SLIT1: variants seen among roughly 807,000 people sequenced by gnomAD.
SLIT1 encodes slit guidance ligand 1.
Under a neutral mutation model 186.1 loss-of-function variants are expected in SLIT1, and 66 were observed. That is an observed-to-expected ratio of 0.35 (90% CI 0.29 to 0.44). The LOEUF (loss-of-function observed/expected upper bound fraction) is 0.44, where lower values mean the gene tolerates loss of function less well. Ranked by LOEUF, SLIT1 falls within the 20% of genes least tolerant of loss-of-function variation. The pLI, the probability that SLIT1 is intolerant of heterozygous loss-of-function variation, is 1.00. For synonymous variants in SLIT1, 761 were observed against 833.8 expected (o/e 0.91, Z 1.50); for missense variants, 1,638 against 2,037.4 (o/e 0.80, Z 3.77).
At chr10:97,030,672 G>T in intron 25 of SLIT1, 85 bp downstream of exon 25, 1 of 1,129,578 alleles carries the variant, frequency 8.9e-7, no homozygotes. Flanking sequence ...AACAAACTCT[G>T]ACAATCTCAG....
intron 31 of SLIT1, among the ~76,000 whole-genome samples, chr10:97,009,592 C>T (rs777322038): frequency 4.6e-5 from 7 of 152,066 alleles, no homozygotes; most frequent in Non-Finnish European, 7.4e-5. Context: ...TCTTAGGATA[C>T]CCACAGCACA....
rs144794751 is a variant in SLIT1 at position 97,060,784 on chromosome 10, T to G, written c.797A>C (p.Gln266Pro). The G allele has an allele frequency of 3.8e-5, 61 of 1,595,832 alleles. No homozygotes were observed. The highest frequency in any genetic ancestry group is 2.3e-5 in the South Asian group (2 of 87,646). Reference protein sequence around the residue: ...VQKSEFSCSGQGEAGRVPTCT... With the variant: ...VQKSEFSCSGPGEAGRVPTCT... Reference sequence around the variant, plus strand: ...GGTGGGCACGCGCCCCGCTTCTCCCTGGCCTGCAGAAACAGGGGGGTGTGG... The same window carrying G: ...GGTGGGCACGCGCCCCGCTTCTCCCGGGCCTGCAGAAACAGGGGGGTGTGG... Residue 266 changes from glutamine to proline, a missense_variant, in exon 9 of 37, where the codon CAG becomes CCG. This residue lies in a region of SLIT1 where 1,245 missense variants were observed against 1,535.3 expected (regional missense o/e 0.81). Transcript: ENST00000266058.
chr10:97,117,141 T>C (rs1564680003), intron 4 of SLIT1, among the ~76,000 whole-genome samples: 1 of 152,172 alleles, frequency 6.6e-6, no homozygotes, highest in Non-Finnish European at 1.5e-5. Context: ...TTTTTCTCTG[T>C]GTTTCTACGA....
At chr10:97,127,428 C>G (rs1223665213) in intron 4 of SLIT1, among the ~76,000 whole-genome samples, 1 of 152,190 alleles carries the variant, frequency 6.6e-6, no homozygotes, top group Non-Finnish European at 1.5e-5. Flanking sequence ...TAAGTTAGGA[C>G]AATGTCTATG....
chr10:97,070,550 T>A (rs577104676), intron 4 of SLIT1, among the ~76,000 whole-genome samples: 2 of 152,184 alleles, frequency 1.3e-5, no homozygotes, highest in Non-Finnish European at 2.9e-5. Flanking sequence ...TAATCTCCAA[T>A]GTGATGGTAT....
At chr10:97,097,755 A>G (rs1422231151) in intron 4 of SLIT1, among the ~76,000 whole-genome samples, 3 of 152,172 alleles carry the variant, frequency 2.0e-5, no homozygotes, top group African/African-American at 7.2e-5. Flanking sequence ...CTGGTCTGCA[A>G]TCTGCAGCCC....
At chr10:97,164,479 C>A (rs1850075963) in intron 2 of SLIT1, among the ~76,000 whole-genome samples, 1 of 152,244 alleles carries the variant, frequency 6.6e-6, no homozygotes, top group South Asian at 2.1e-4. Flanking sequence ...GGAGCAGATC[C>A]GTGCCCAGCG....
intron 25 of SLIT1, among the ~76,000 whole-genome samples, chr10:97,024,592 A>T (rs1440286879): frequency 6.6e-6 from 1 of 152,214 alleles, no homozygotes; most frequent in African/African-American, 2.4e-5. Context: ...TGTTTAGAAA[A>T]ACAAAGACTT....
In SLIT1 at chr10:97,112,061, G is replaced by A. The variant is rs191225069; in HGVS notation, c.413+45757C>T. On this transcript the variant is annotated intron_variant, in intron 4 of 36. Transcript: ENST00000266058. ...GACCTGACAGCTCGGCTCCATTTGC[G>A]GGTTCTCAAACTTATCACGTTCCCT... Among the ~76,000 whole-genome samples, 277 of 152,224 alleles carry A rather than the reference G, an allele frequency of 1.8e-3. 1 individual carries two copies. The highest frequency in any genetic ancestry group is 3.6e-3 in the Non-Finnish European group (245 of 68,018).
intron 4 of SLIT1, among the ~76,000 whole-genome samples, chr10:97,144,709 G>A (rs1849799192): frequency 6.6e-6 from 1 of 152,198 alleles, no homozygotes; most frequent in Admixed American, 6.5e-5. Flanking sequence ...TGAAGCGGGA[G>A]CCAGCAACCC....
intron 4 of SLIT1, among the ~76,000 whole-genome samples, chr10:97,109,436 C>G (rs1037294048): frequency 7.8e-4 from 118 of 152,144 alleles, no homozygotes; most frequent in African/African-American, 2.8e-3. Context: ...AGAAGGACTG[C>G]CTCCAAGATG....
chr10:97,110,732 G>A (rs1328963053), intron 4 of SLIT1, among the ~76,000 whole-genome samples: 1 of 152,198 alleles, frequency 6.6e-6, no homozygotes, highest in Non-Finnish European at 1.5e-5. Flanking sequence ...TGAGGCTGGG[G>A]TTGGGTTGGA....
At chr10:97,125,120 T>C (rs1278376580) in intron 4 of SLIT1, among the ~76,000 whole-genome samples, 1 of 152,170 alleles carries the variant, frequency 6.6e-6, no homozygotes, top group Non-Finnish European at 1.5e-5. Flanking sequence ...ACTGTGAAGA[T>C]GGAACAGCTT....
Position 97,031,496 on chromosome 10 carries a change from C to A in SLIT1, c.2510+110G>T, listed in dbSNP as rs1037074543. ...TTAAGTGACAGCACTCTGGACTCCA[C>A]CATGGCACAGCGTGGGCCCTAGACA... On this transcript the variant is annotated intron_variant, in intron 24 of 36. Coordinates refer to ENST00000266058, the MANE Select transcript of SLIT1 (RefSeq NM_003061.3). 6.2e-6 allele frequency: 5 copies of A among 809,536 alleles called. No homozygotes were observed. The African/African-American group carries it at 6.9e-5, about 11-fold the overall frequency. 50.1% of individuals were successfully genotyped at this position (809,536 alleles called of 1,614,324 possible).
At chr10:97,057,909 T>C (rs1429453192) in intron 11 of SLIT1, 1 of 701,776 alleles carries the variant, frequency 1.4e-6, no homozygotes, top group Non-Finnish European at 2.7e-6. Flanking sequence ...AGGGGGGTTG[T>C]ATGCCATTCC....
Position 97,166,573 on chromosome 10 carries a change from A to AGAGAGAGAG in SLIT1, c.198-1684_198-1683insCTCTCTCTC, listed in dbSNP as rs1564692765. Among the ~76,000 whole-genome samples, 208 of 44,968 alleles carry AGAGAGAGAG rather than the reference A, an allele frequency of 4.6e-3. 1 individual carries two copies. Among genetic ancestry groups the AGAGAGAGAG allele is most frequent in the East Asian group, 6.2e-3 (10 of 1,612 alleles). 29.5% of individuals were successfully genotyped at this position (44,968 alleles called of 152,430 possible). ...AAGGAAGGAAAGAGAGAGAGAGAGA[A>AGAGAGAGAG]AGAAAGAAAGAAAGAAAGAAAGAAA... On this transcript the variant is annotated intron_variant, in intron 1 of 36. Coordinates refer to ENST00000266058, the MANE Select transcript of SLIT1 (RefSeq NM_003061.3).
chr10:97,131,532 C>A (rs77428028), intron 4 of SLIT1, among the ~76,000 whole-genome samples: 1,979 of 152,292 alleles, frequency 0.013, 28 homozygotes, highest in Non-Finnish European at 0.018. Context: ...ATTGACACCC[C>A]GCTACCAGCC....
Position 97,043,549 on chromosome 10 carries a change from G to T in SLIT1, c.1854-36C>A, listed in dbSNP as rs1217365458. On this transcript the variant is annotated intron_variant, in intron 18 of 36. Transcript: ENST00000266058. This position sits in a 1 kb window ranked among gnomAD's most constrained non-coding sequence, Gnocchi z 7.0. ...ACGGGGGAGGGAGGAGGGGACCCTT[G>T]CTGCCCTGCCAGCCATCCACCTGGG... 4 of 1,596,146 alleles carry T rather than the reference G, an allele frequency of 2.5e-6. No homozygotes were observed. In the African/African-American group the frequency reaches 4.0e-5, roughly 16 times the overall value.
At chr10:97,128,132 G>C (rs1357409638) in intron 4 of SLIT1, among the ~76,000 whole-genome samples, 2 of 151,706 alleles carry the variant, frequency 1.3e-5, no homozygotes, top group African/African-American at 2.4e-5. Context: ...TCTGCCTCTT[G>C]TAAGTGAGGC....
Sources: gnomAD v4.1 joint callset for allele counts (sites outside exome capture counted in the v4.1 genomes callset) on GRCh38, gnomAD v4.1.1 for gene constraint, gnomAD v4.1.1 regional missense constraint, Gnocchi (gnomAD v3.1) non-coding constraint, MANE v1.5 for transcripts, NCBI Gene and HGNC (gene_info 2026-07-23, HGNC 2026-07-21) for gene names.